The following EML6 variants were observed in gnomAD, a reference collection of about 807,000 sequenced individuals.
EML6 encodes EMAP like 6.
EML6 carries 154 observed loss-of-function variants against 240.1 expected under a neutral mutation model. The observed-to-expected ratio is 0.64, with a 90% confidence interval of 0.56 to 0.73. The LOEUF is 0.73. EML6 is among the 30% of genes least tolerant of loss of function. The pLI is 0.00. For synonymous variants in EML6, 1,148 were observed against 899.0 expected, an observed-to-expected ratio of 1.28 and a Z score of -4.95; for missense variants, 2,964 against 2,474.6, an observed-to-expected ratio of 1.20 and a Z score of -4.20.
chr2:54,896,220 G>A (rs142065250), intron 21 of EML6, among the ~76,000 whole-genome samples: 46 of 152,256 alleles, frequency 3.0e-4, no homozygotes, highest in African/African-American at 8.7e-4. Flanking sequence ...TTGGGTCCAG[G>A]TGTGGAAGAA....
chr2:54,926,360 C>T (rs747512669), intron 26 of EML6, among the ~76,000 whole-genome samples: 9 of 152,212 alleles, frequency 5.9e-5, no homozygotes, highest in Non-Finnish European at 1.2e-4. Context: ...CCTTGGCCTC[C>T]CAAAGTGCTG....
intron 13 of EML6, among the ~76,000 whole-genome samples, chr2:54,865,134 G>A (rs1434695915): frequency 6.6e-6 from 1 of 152,074 alleles, no homozygotes; most frequent in African/African-American, 2.4e-5. Context: ...ACACAATACA[G>A]AATTTAGGAA....
chr2:54,849,616 T>G (rs926876464), intron 9 of EML6, among the ~76,000 whole-genome samples: 4 of 152,056 alleles, frequency 2.6e-5, no homozygotes, highest in Non-Finnish European at 5.9e-5. Flanking sequence ...AGCCTCCCGA[T>G]TAGCTGGGAC....
At position 54,795,486 on chromosome 2, in the gene EML6, T is replaced by TGA. The variant is rs1247027641; in HGVS notation, c.198-17744_198-17743dup. ...CTTGGGAACACAGAGCCAATATCAG[T>TGA]GAGTCTCATCAAATACACGTGTGGG... On this transcript the variant is annotated intron_variant, in intron 2 of 41. Transcript: ENST00000356458. Among the ~76,000 whole-genome samples the TGA allele has an allele frequency of 2.0e-5, 3 of 152,088 alleles. No homozygotes were observed. The East Asian group carries it at 5.8e-4, about 29-fold the overall frequency.
intron 11 of EML6, among the ~76,000 whole-genome samples, chr2:54,855,650 C>T (rs1379711825): frequency 6.6e-6 from 1 of 152,088 alleles, no homozygotes; most frequent in Non-Finnish European, 1.5e-5. Context: ...AGCCAGATGA[C>T]AGTATGGTGA....
intron 28 of EML6, among the ~76,000 whole-genome samples, chr2:54,948,277 C>A (rs895049787): frequency 6.6e-6 from 1 of 152,144 alleles, no homozygotes; most frequent in African/African-American, 2.4e-5. Flanking sequence ...AATGCAGACC[C>A]GAGTCCTGAG....
intron 17 of EML6, among the ~76,000 whole-genome samples, chr2:54,888,525 C>T (rs375720715): frequency 3.9e-5 from 6 of 152,172 alleles, no homozygotes; most frequent in African/African-American, 1.4e-4. Flanking sequence ...CATCCCTCCT[C>T]CCTCCTCTGT....
intron 28 of EML6, among the ~76,000 whole-genome samples, chr2:54,935,827 G>T (rs1298903041): frequency 6.6e-6 from 1 of 152,150 alleles, no homozygotes; most frequent in Non-Finnish European, 1.5e-5. Flanking sequence ...CAGGAGTTTA[G>T]ATGAGCCTGG....
intron 2 of EML6, among the ~76,000 whole-genome samples, chr2:54,793,077 C>T (rs1395361540): frequency 6.6e-6 from 1 of 151,976 alleles, no homozygotes; most frequent in African/African-American, 2.4e-5. Context: ...AGACCAGTCT[C>T]GTCAACATCG....
At chr2:54,940,965 A>G (rs1232263580) in intron 28 of EML6, among the ~76,000 whole-genome samples, 2 of 152,246 alleles carry the variant, frequency 1.3e-5, no homozygotes, top group African/African-American at 4.8e-5. Flanking sequence ...AACAAAGAAC[A>G]TGCTCATAAG....
intron 6 of EML6, among the ~76,000 whole-genome samples, chr2:54,827,986 G>A (rs1475145657): frequency 6.6e-6 from 1 of 152,208 alleles, no homozygotes; most frequent in Non-Finnish European, 1.5e-5. Context: ...GTCATCCACA[G>A]TAGTTTGACA....
At chr2:54,741,454 G>A (rs563895230) in intron 2 of EML6, among the ~76,000 whole-genome samples, 1 of 151,132 alleles carries the variant, frequency 6.6e-6, no homozygotes, top group Admixed American at 6.6e-5. Context: ...AAGTACACAC[G>A]CACACACACA....
At chr2:54,887,375 T>G (rs1202086194) in intron 17 of EML6, among the ~76,000 whole-genome samples, 1 of 152,252 alleles carries the variant, frequency 6.6e-6, no homozygotes, top group East Asian at 1.9e-4. Context: ...TTGGTTTCTC[T>G]GAAATATAAT....
chr2:54,743,736 A>ATTTG (rs1311855536), intron 2 of EML6, among the ~76,000 whole-genome samples: 2 of 152,162 alleles, frequency 1.3e-5, no homozygotes, highest in African/African-American at 4.8e-5. Flanking sequence ...CTATAGGAAT[A>ATTTG]TTTGTTTTTT....
At chr2:54,907,938 AGATAGATAAGATAGAT>A (rs201098440) in intron 24 of EML6, among the ~76,000 whole-genome samples, 5,052 of 57,182 alleles carry the variant, frequency 0.088, 105 homozygotes, top group Non-Finnish European at 0.11. Context: ...ATAGATAGAT[AGATAGATAAGATAGAT>A]AGATAGATAG....
chr2:54,847,761 C>CATAGTATT (rs370850019), intron 9 of EML6, 138 bp downstream of exon 9: 2 of 779,608 alleles, frequency 2.6e-6, no homozygotes, highest in South Asian at 2.9e-5. Flanking sequence ...ATCTACGATC[C>CATAGTATT]CCTATCTGTA....
chr2:54,853,792 G>A lies in EML6; in HGVS notation c.1594G>A (p.Val532Met), dbSNP rs764315512. 1.4e-5 allele frequency: 22 copies of A among 1,551,632 alleles called. No individual in the cohort carries two copies. In the East Asian group the frequency reaches 3.2e-4, roughly 22 times the overall value. ...AGTGGATGCGAATTACAACAGCTCA[G>A]TGCTGGTGTCTGGAGATGATTTTGG... is the stretch of plus-strand genomic sequence containing the variant. The part of the protein sequence containing the change: ...NSVDANYNSS[V>M]LVSGDDFGLV... Residue 532 changes from valine (V) to methionine (M), a missense_variant, in exon 11 of 42, where the codon GTG becomes ATG. Transcript: ENST00000356458.
chr2:54,902,188 T>C (rs1371931288), intron 22 of EML6, among the ~76,000 whole-genome samples: 1 of 152,222 alleles, frequency 6.6e-6, no homozygotes, highest in Non-Finnish European at 1.5e-5. Context: ...GGAAATTTTA[T>C]TATAGAACTC....
In EML6 at chr2:54,879,569, G is replaced by A. The variant is rs780578476; in HGVS notation, c.2367G>A (p.Ser789=). ...CAGCCGATGGAAAATGTCTGGTGTC[G>A]GTTGGTTTAGACGATTTTCACAGTA... is the stretch of plus-strand genomic sequence containing the variant. The part of the protein sequence containing the change: ...DFSADGKCLV[S]VGLDDFHSIV... Residue 789 remains serine (S), a synonymous_variant, in exon 17 of 42, where the codon TCG becomes TCA. Transcript: ENST00000356458. The A allele has an allele frequency of 2.7e-5, 42 of 1,551,350 alleles. 1 individual carries two copies. The African/African-American group carries it at 4.1e-4, about 15-fold the overall frequency.
Sources: gnomAD v4.1 joint callset for allele counts (sites outside exome capture counted in the v4.1 genomes callset) on GRCh38, gnomAD v4.1.1 for gene constraint, MANE v1.5 for transcripts, NCBI Gene and HGNC (gene_info 2026-07-23, HGNC 2026-07-21) for gene names.